The following LHX6 variants were observed in gnomAD, a reference collection of about 807,000 sequenced individuals.
The protein encoded by LHX6 is LIM homeobox 6, also known as LIM/homeobox protein Lhx6.
LHX6 carries 15 observed loss-of-function variants against 47.1 expected under a neutral mutation model. The ratio of observed to expected loss-of-function variants is 0.32; its 90% confidence interval spans 0.21 to 0.49. The LOEUF is 0.49. Among genes scored for constraint, LHX6 ranks in the 20% least tolerant of loss-of-function variants. The pLI is 0.99. For missense variants in LHX6, 404 were observed against 539.6 expected (o/e 0.75, Z 2.49); for synonymous variants, 242 against 233.5 (o/e 1.04, Z -0.33).
At chr9:122,205,146 G>A (rs1169745873) in intron 9 of LHX6, among the ~76,000 whole-genome samples, 2 of 152,174 alleles carry the variant, frequency 1.3e-5, no homozygotes, top group African/African-American at 4.8e-5. Context: ...TTACAAGGAG[G>A]GCACTCAGGC....
At chr9:122,227,553 C>T in intron 1 of LHX6, 73 bp from the exon 2 acceptor site, 9 of 1,446,888 alleles carry the variant, frequency 6.2e-6, no homozygotes, top group Non-Finnish European at 8.1e-6. Flanking sequence ...AGCCCAGCGC[C>T]TCCCCGCGCC....
intron 4 of LHX6, among the ~76,000 whole-genome samples, chr9:122,218,561 C>T (rs1156819466): frequency 6.6e-6 from 1 of 152,134 alleles, no homozygotes; most frequent in South Asian, 2.1e-4. Flanking sequence ...TTTCCAGTCT[C>T]GCCCCTGCCA....
chr9:122,219,377 CCCCAGCGGAGTG>C (rs929370618), intron 4 of LHX6, among the ~76,000 whole-genome samples: 49 of 152,324 alleles, frequency 3.2e-4, no homozygotes, highest in African/African-American at 1.1e-3. Flanking sequence ...AACGCGGCTT[CCCCAGCGGAGTG>C]CCCAGCCCAG....
At position 122,226,343 on chromosome 9, in the gene LHX6, G is replaced by A. The variant is rs753968166; in HGVS notation, c.461+33C>T. On this transcript the variant is annotated intron_variant, in intron 4 of 9. Coordinates refer to ENST00000394319, the MANE Select transcript of LHX6 (RefSeq NM_014368.5). The surrounding 1 kb of genome is among the most constrained non-coding windows in gnomAD (Gnocchi z 6.5). Reference sequence around the variant, plus strand: ...CCGAATGCGCCCGGGGCCTGCCCTCGGCGACACTGCTGGCTCGGCGGCCGC... The same window carrying A: ...CCGAATGCGCCCGGGGCCTGCCCTCAGCGACACTGCTGGCTCGGCGGCCGC... 7 of 1,595,776 alleles carry A rather than the reference G, an allele frequency of 4.4e-6. No homozygotes were observed. Among genetic ancestry groups the A allele is most frequent in the African/African-American group, 4.0e-5 (3 of 74,278 alleles).
At position 122,226,916 on chromosome 9, in the gene LHX6, C is replaced by A. The variant is rs753416011; in HGVS notation, c.271G>T (p.Val91Leu). 6 of 1,562,178 alleles carry A rather than the reference C, an allele frequency of 3.8e-6. No individual in the cohort carries two copies. In the South Asian group the frequency reaches 7.1e-5, roughly 18 times the overall value. The change falls in exon 3 of 10, where the codon GTG (valine) becomes TTG (leucine). Residue 91 changes from valine to leucine, a missense_variant. Transcript: ENST00000394319. The surrounding 1 kb of genome is among the most constrained non-coding windows in gnomAD (Gnocchi z 6.5). The part of the protein sequence containing the change: ...VCSPPSAASS[V>L]PSAGKNICSS... ...CAGATGTTCTTGCCTGCAGACGGCA[C>A]GGAGGAGGCGGCAGAGGGCGGTGAG... is the stretch of plus-strand genomic sequence containing the variant.
intron 1 of LHX6, 186 bp from the exon 2 acceptor site, chr9:122,227,666 T>C: frequency 1.6e-6 from 2 of 1,285,552 alleles, no homozygotes; most frequent in Non-Finnish European, 2.0e-6. Flanking sequence ...AATTTGAATT[T>C]GGATTGGATT....
In LHX6 at chr9:122,213,960, C is replaced by T; in HGVS notation, c.879+14G>A. The T allele has an allele frequency of 2.6e-6, 4 of 1,531,762 alleles. No individual in the cohort carries two copies. The highest frequency in any genetic ancestry group is 2.7e-6 in the Non-Finnish European group (3 of 1,117,798). 94.9% of individuals were successfully genotyped at this position (1,531,762 alleles called of 1,614,324 possible). ...GTGCCCGCGGTCCCCAGGCCCCGCC[C>T]ACCCCCGTCCCACCTGGATGACTCT... On this transcript the variant is annotated intron_variant, in intron 7 of 9. Coordinates refer to ENST00000394319, the MANE Select transcript of LHX6 (RefSeq NM_014368.5). The surrounding 1 kb of genome is among the most constrained non-coding windows in gnomAD (Gnocchi z 5.5).
rs775267473 is a variant in LHX6 at position 122,227,389 on chromosome 9, G to A, written c.156+20C>T. The A allele has an allele frequency of 4.1e-5, 61 of 1,505,562 alleles. No homozygotes were observed. The highest frequency in any genetic ancestry group is 5.2e-5 in the Non-Finnish European group (59 of 1,127,448). The allele number at this position is 1,505,562 out of a possible 1,614,324, so 93.3% of individuals were successfully genotyped here. ...GCCGCTGGAGGACTGGGCACCGCAG[G>A]CAGGGCCAAACGGACTCACCATGGC... On this transcript the variant is annotated intron_variant, in intron 2 of 9. Transcript: ENST00000394319.
At position 122,214,798 on chromosome 9, in the gene LHX6, C is replaced by G. The variant is rs1438175515; in HGVS notation, c.683-415G>C. Among the ~76,000 whole-genome samples, 1 of 152,000 alleles carries G rather than the reference C, an allele frequency of 6.6e-6. No homozygotes were observed. Among genetic ancestry groups the G allele is most frequent in the Admixed American group, 6.6e-5 (1 of 15,266 alleles). ...GAGGAGATAGGAAGCAAGCAAGTAA[C>G]GGAACTATGCTCCTAATTTTATAAA... On this transcript the variant is annotated intron_variant, in intron 5 of 9. Coordinates refer to ENST00000394319, the MANE Select transcript of LHX6 (RefSeq NM_014368.5). This position sits in a 1 kb window ranked among gnomAD's most constrained non-coding sequence, Gnocchi z 4.6.
chr9:122,226,506 G>A lies in LHX6; in HGVS notation c.340-9C>T. ...CAGATGAGGTTGTTGACCTGGGGAC[G>A]GGGCGGGGACGGAGGTCGGCTCAGC... is the stretch of plus-strand genomic sequence containing the variant. On this transcript the variant is annotated splice_polypyrimidine_tract_variant and intron_variant, in intron 3 of 9. Coordinates refer to ENST00000394319, the MANE Select transcript of LHX6 (RefSeq NM_014368.5). The surrounding 1 kb of genome is among the most constrained non-coding windows in gnomAD (Gnocchi z 6.5). 1 of 1,612,092 alleles carries A rather than the reference G, an allele frequency of 6.2e-7. No individual in the cohort carries two copies. The highest frequency in any genetic ancestry group is 1.7e-4 in the Middle Eastern group (1 of 6,026).
At chr9:122,227,510 G>A (rs993442228) in intron 1 of LHX6, 30 bp from the exon 2 acceptor site, 4 of 1,524,788 alleles carry the variant, frequency 2.6e-6, no homozygotes, top group Non-Finnish European at 3.5e-6. Flanking sequence ...AACGCAGGCG[G>A]CGGCGGCTGC....
intron 8 of LHX6, among the ~76,000 whole-genome samples, chr9:122,212,818 A>G (rs548629662): frequency 6.6e-6 from 1 of 152,314 alleles, no homozygotes; most frequent in East Asian, 1.9e-4. Flanking sequence ...AGGAGCACAG[A>G]AGCTTTGGTC....
At chr9:122,222,134 C>T (rs1830888336) in intron 4 of LHX6, among the ~76,000 whole-genome samples, 1 of 152,176 alleles carries the variant, frequency 6.6e-6, no homozygotes, top group South Asian at 2.1e-4. Flanking sequence ...GGCACTTTCC[C>T]AGGACATTAG....
At chr9:122,223,684 T>C (rs1055658203) in intron 4 of LHX6, among the ~76,000 whole-genome samples, 11 of 152,112 alleles carry the variant, frequency 7.2e-5, no homozygotes, top group African/African-American at 2.2e-4. Flanking sequence ...CTCTACCCCA[T>C]TGCAGTAGGA....
At chr9:122,205,030 A>C (rs115761185) in intron 9 of LHX6, among the ~76,000 whole-genome samples, 1 of 152,218 alleles carries the variant, frequency 6.6e-6, no homozygotes, top group African/African-American at 2.4e-5. Flanking sequence ...TCAATGAGAT[A>C]CAACAGCAGC....
At chr9:122,204,878 C>T in intron 9 of LHX6, 98 bp from the exon 10 acceptor site, 1 of 776,518 alleles carries the variant, frequency 1.3e-6, no homozygotes, top group Admixed American at 3.6e-5. Flanking sequence ...AGGGTGGACT[C>T]AGGGCCCAGA....
At chr9:122,219,292 G>A (rs1830725535) in intron 4 of LHX6, among the ~76,000 whole-genome samples, 1 of 152,206 alleles carries the variant, frequency 6.6e-6, no homozygotes, top group Admixed American at 6.5e-5. Context: ...CAGGCGGCGC[G>A]GTTCCCTCAG....
intron 2 of LHX6, 32 bp from the exon 3 acceptor site, chr9:122,227,062 G>A: frequency 6.9e-7 from 1 of 1,449,720 alleles, no homozygotes; most frequent in Non-Finnish European, 9.1e-7. Context: ...GAGGAGCGCT[G>A]ATCCGGGCAC....
At chr9:122,220,948 G>T in intron 4 of LHX6, 2 of 257,710 alleles carry the variant, frequency 7.8e-6, no homozygotes, top group Non-Finnish European at 1.2e-5. Flanking sequence ...CAACGAAAGA[G>T]CCCATCTGAG....
Sources: allele counts gnomAD v4.1 joint callset (sites outside exome capture counted in the v4.1 genomes callset), GRCh38; gene constraint gnomAD v4.1.1; non-coding constraint Gnocchi (gnomAD v3.1); transcripts MANE v1.5; gene names NCBI Gene and HGNC (gene_info 2026-07-23, HGNC 2026-07-21).